The following METTL21A variants were observed in gnomAD, a reference collection of about 807,000 sequenced individuals.
METTL21A encodes the protein methyltransferase 21A, HSPA lysine.
In METTL21A, 22 loss-of-function variants were observed where a neutral mutation model predicts 20.9. That is an observed-to-expected ratio of 1.05 (90% CI 0.75 to 1.50). METTL21A has a LOEUF of 1.50. Among genes scored for constraint, METTL21A ranks in the 40% most tolerant of loss-of-function variants. The pLI is 0.00. For synonymous variants in METTL21A, 93 were observed against 102.0 expected (o/e 0.91, Z 0.53); for missense variants, 271 against 266.8 (o/e 1.02, Z -0.11).
intron 3 of METTL21A, among the ~76,000 whole-genome samples, chr2:207,584,486 C>T (rs1009121168): frequency 6.6e-6 from 1 of 152,200 alleles, no homozygotes; most frequent in Non-Finnish European, 1.5e-5. Flanking sequence ...TCACTGTAAC[C>T]TCTGCCTCCT....
At chr2:207,588,895 G>A (rs1203895989) in intron 3 of METTL21A, among the ~76,000 whole-genome samples, 1 of 143,672 alleles carries the variant, frequency 7.0e-6, no homozygotes, top group African/African-American at 2.6e-5. Flanking sequence ...TTGTCGGGGG[G>A]GGTGTAGATT....
chr2:207,581,269 T>TA (rs563162607), downstream of METTL21A: 1 of 198,298 alleles, frequency 5.0e-6, no homozygotes, highest in Non-Finnish European at 1.0e-5. Context: ...ATGGATAGGG[T>TA]AAAAAATTTG....
Position 207,595,849 on chromosome 2 carries a change from G to A in METTL21A, c.260-13689C>T, listed in dbSNP as rs577889578. ...CTCCCAAAGTGCTGGGATTATAGGC[G>A]TGAGCCATACACCTTGCCTATTCTA... On this transcript the variant is annotated intron_variant, in intron 3 of 3. Transcript: ENST00000425132. 1.1e-3 allele frequency among the ~76,000 whole-genome samples: 165 copies of A among 152,270 alleles called. 1 individual carries two copies. The South Asian group carries it at 0.011, about 10-fold the overall frequency.
chr2:207,621,810 C>G (rs942387052), exon 3 of METTL21A: 2 of 1,613,652 alleles, frequency 1.2e-6, no homozygotes, highest in African/African-American at 1.3e-5. Flanking sequence ...ACTCACCCAG[C>G]AGGGCAGCCA....
intron 3 of METTL21A, chr2:207,598,394 CTG>C (rs576227565): frequency 5.5e-6 from 1 of 181,196 alleles, no homozygotes; most frequent in African/African-American, 2.4e-5. Flanking sequence ...TTAAAACAGT[CTG>C]TATTTGTGTA....
chr2:207,612,584 C>A (rs1218547116), downstream of METTL21A: 1 of 152,828 alleles, frequency 6.5e-6, no homozygotes, highest in Non-Finnish European at 1.5e-5. Context: ...GCACTAACAG[C>A]TCAAGGAATG....
chr2:207,594,844 A>C (rs1012010952), intron 3 of METTL21A, among the ~76,000 whole-genome samples: 1 of 152,160 alleles, frequency 6.6e-6, no homozygotes, highest in African/African-American at 2.4e-5. Context: ...CCAACAGTAC[A>C]CAAGAGTTCC....
intron 3 of METTL21A, chr2:207,620,687 C>CT (rs1417595593): frequency 3.3e-6 from 5 of 1,534,352 alleles, no homozygotes; most frequent in Admixed American, 2.0e-5. Flanking sequence ...TCATCGATGA[C>CT]TTAAGTGCTG....
At chr2:207,584,734 A>G (rs2083519184) in intron 3 of METTL21A, among the ~76,000 whole-genome samples, 1 of 152,084 alleles carries the variant, frequency 6.6e-6, no homozygotes, top group Non-Finnish European at 1.5e-5. Context: ...TTTGCTATCT[A>G]TATGTTTTCT....
At chr2:207,613,349 A>C (rs776634764) in exon 4 of METTL21A, 1 of 1,613,802 alleles carries the variant, frequency 6.2e-7, no homozygotes, top group Admixed American at 1.7e-5. Context: ...CCTTAACAAC[A>C]GTTTTAGTTT....
chr2:207,593,937 T>A (rs1445935026), intron 3 of METTL21A, among the ~76,000 whole-genome samples: 4 of 152,170 alleles, frequency 2.6e-5, no homozygotes, highest in African/African-American at 9.7e-5. Flanking sequence ...CAGGCTGGTC[T>A]CAAACTCCTG....
chr2:207,589,882 G>A (rs944267217), intron 3 of METTL21A, among the ~76,000 whole-genome samples: 1 of 152,052 alleles, frequency 6.6e-6, no homozygotes, highest in Non-Finnish European at 1.5e-5. Context: ...TTATGTCTAC[G>A]TTTATGGCTA....
At chr2:207,618,869 A>C (rs1014909034) in intron 3 of METTL21A, among the ~76,000 whole-genome samples, 3 of 152,222 alleles carry the variant, frequency 2.0e-5, no homozygotes, top group African/African-American at 7.2e-5. Flanking sequence ...TACAGTTCCA[A>C]GTACCATAAG....
chr2:207,622,161 ATTTTT>A (rs11326646), intron 2 of METTL21A, among the ~76,000 whole-genome samples: 180 of 122,300 alleles, frequency 1.5e-3, no homozygotes, highest in Middle Eastern at 8.1e-3. Flanking sequence ...GGAAAGCTTA[ATTTTT>A]TTTTTTTTTT....
intron 3 of METTL21A, among the ~76,000 whole-genome samples, chr2:207,592,512 C>G (rs2085249141): frequency 6.6e-6 from 1 of 152,144 alleles, no homozygotes; most frequent in Non-Finnish European, 1.5e-5. Context: ...TGATTTGCAG[C>G]AATTCAAATA....
At chr2:207,612,555 A>C (rs2089120445), downstream of METTL21A, 1 of 152,446 alleles carries the variant, frequency 6.6e-6, no homozygotes, top group Non-Finnish European at 1.5e-5. Context: ...GGACCTAAAC[A>C]GGGCAAAAGA....
intron 3 of METTL21A, among the ~76,000 whole-genome samples, chr2:207,615,126 T>C (rs961954944): frequency 6.6e-6 from 1 of 152,214 alleles, no homozygotes; most frequent in Non-Finnish European, 1.5e-5. Flanking sequence ...TGCTAGACAG[T>C]GTGTTGCCCA....
chr2:207,583,665 G>A (rs751137053), intron 3 of METTL21A, among the ~76,000 whole-genome samples: 1 of 152,072 alleles, frequency 6.6e-6, no homozygotes, highest in Non-Finnish European at 1.5e-5. Flanking sequence ...ACATCCCTAA[G>A]TTTTTATCCT....
intron 3 of METTL21A, chr2:207,601,341 C>G (rs1446573310): frequency 5.4e-6 from 1 of 185,934 alleles, no homozygotes; most frequent in Non-Finnish European, 1.1e-5. Context: ...TCTTTCTCCT[C>G]TCTTCAAATC....
Sources: gnomAD v4.1 joint callset for allele counts (sites outside exome capture counted in the v4.1 genomes callset) on GRCh38, gnomAD v4.1.1 for gene constraint, MANE v1.5 for transcripts, NCBI Gene and HGNC (gene_info 2026-07-23, HGNC 2026-07-21) for gene names.